The following EIF3B variants were observed in gnomAD, a reference collection of about 807,000 sequenced individuals.
EIF3B encodes the protein eukaryotic translation initiation factor 3 subunit B.
A neutral mutation model predicts 104.6 loss-of-function variants in EIF3B; 10 were observed. The ratio of observed to expected loss-of-function variants is 0.10; its 90% CI spans 0.06 to 0.16. The LOEUF is 0.16. Among genes scored for constraint, EIF3B ranks in the 10% least tolerant of loss-of-function variants. The probability of loss-of-function intolerance (pLI) is 1.00; values close to 1 mark genes in which losing one functional copy is unlikely to be tolerated. For synonymous variants in EIF3B, 542 were observed against 417.2 expected, an observed-to-expected ratio of 1.30 and a Z score of -3.65; for missense variants, 1,014 against 1,087.9, an observed-to-expected ratio of 0.93 and a Z score of 0.96.
intron 15 of EIF3B, among the ~76,000 whole-genome samples, chr7:2,377,451 G>A (rs549190751): frequency 2.0e-5 from 3 of 152,194 alleles, no homozygotes; most frequent in Non-Finnish European, 4.4e-5. Context: ...GAGAAAGTCC[G>A]TCTCAAAGTG....
rs1014927303 is a variant in EIF3B, at chr7:2,379,014, A to G, written c.2233-120A>G. 9.9e-5 allele frequency: 85 copies of G among 861,160 alleles called. No individual in the cohort carries two copies. In the African/African-American group the frequency reaches 1.1e-3, roughly 11 times the overall value. The allele number at this position is 861,160 out of a possible 1,614,324, so 53.3% of individuals were successfully genotyped here. On this transcript the variant is annotated intron_variant, in intron 16 of 18. Transcript: ENST00000360876. ...AAAAGTGAGAATGAATGGACTAGCC[A>G]TTCCTGCTTGAGTGCCTCTGTATGC...
In EIF3B at chr7:2,366,297, G is replaced by A; in HGVS notation, c.1158-20G>A. The A allele has an allele frequency of 1.3e-6, 2 of 1,590,264 alleles. No homozygotes were observed. The highest frequency in any genetic ancestry group is 4.5e-5 in the East Asian group (2 of 44,778). On this transcript the variant is annotated intron_variant, in intron 6 of 18. Coordinates refer to ENST00000360876, the MANE Select transcript of EIF3B (RefSeq NM_001037283.2). ...TCTCGTGAGAGGAGGATAGTGTACA[G>A]TGTTGCCCTTCTCTTCTAGGTACCT...
intron 3 of EIF3B, 23 bp from the exon 4 acceptor site, chr7:2,363,047 C>T (rs1272543208): frequency 1.2e-6 from 2 of 1,613,798 alleles, no homozygotes; most frequent in Non-Finnish European, 8.5e-7. Context: ...GCGTGGGGCT[C>T]AGCAGTCTCC....
intron 2 of EIF3B, among the ~76,000 whole-genome samples, chr7:2,361,785 T>C (rs970924156): frequency 7.9e-5 from 12 of 151,846 alleles, no homozygotes; most frequent in South Asian, 2.1e-4. Context: ...TTTTTTTTGT[T>C]TGTTTGTTTG....
intron 15 of EIF3B, 41 bp from the exon 16 acceptor site, chr7:2,378,648 C>T: frequency 6.4e-7 from 1 of 1,567,906 alleles, no homozygotes; most frequent in Non-Finnish European, 8.8e-7. Flanking sequence ...GTGCTTGTTG[C>T]TTTGAATGTT....
chr7:2,367,825 A>ATTTTTTTTTTTTT lies in EIF3B; in HGVS notation c.1403+802_1403+814dup, dbSNP rs71026506. Among the ~76,000 whole-genome samples the ATTTTTTTTTTTTT allele has an allele frequency of 1.3e-4, 8 of 60,308 alleles. No homozygotes were observed. In the East Asian group the frequency reaches 2.5e-3, roughly 19 times the overall value. The allele number at this position is 60,308 out of a possible 152,430, so 39.6% of individuals were successfully genotyped here. On this transcript the variant is annotated intron_variant, in intron 9 of 18. Transcript: ENST00000360876. ...ACGGTGAGTTTGTTCTTTTTTTAAA[A>ATTTTTTTTTTTTT]TTTTTTTTTTTTTTTTTTTTTTTTT...
chr7:2,374,476 C>G, intron 12 of EIF3B, 52 bp from the exon 13 acceptor site: 1 of 1,583,996 alleles, frequency 6.3e-7, no homozygotes, highest in South Asian at 1.1e-5. Flanking sequence ...TTGGCTGCCC[C>G]GGCACTGTGG....
At chr7:2,362,606 T>TA in intron 2 of EIF3B, 39 bp from the exon 3 acceptor site, 3 of 1,613,182 alleles carry the variant, frequency 1.9e-6, no homozygotes, top group Non-Finnish European at 8.5e-7. Flanking sequence ...TGCCTAGCCT[T>TA]ACAGTGTGGG....
chr7:2,361,375 AC>A (rs1476635336), intron 2 of EIF3B, among the ~76,000 whole-genome samples: 2 of 152,132 alleles, frequency 1.3e-5, no homozygotes. Context: ...TGGCCTCTTG[AC>A]CCTCAGTTAC....
intron 1 of EIF3B, among the ~76,000 whole-genome samples, chr7:2,357,859 GT>G (rs1779536204): frequency 6.6e-6 from 1 of 152,120 alleles, no homozygotes; most frequent in South Asian, 2.1e-4. Flanking sequence ...CCCAATTTGT[GT>G]AAAAGTTGAG....
Position 2,363,099 on chromosome 7 carries a change from T to C in EIF3B, c.842T>C (p.Ile281Thr), listed in dbSNP as rs1360081985. The C allele has an allele frequency of 1.2e-6, 2 of 1,614,076 alleles. No homozygotes were observed. Among genetic ancestry groups the C allele is most frequent in the East Asian group, 4.5e-5 (2 of 44,876 alleles). ...ATGACGATCAGTGACGAGTGGGATATTCCAGAGAAACAGCCTTTCAAAGAC... is the reference window on the plus strand; with the variant it reads ...ATGACGATCAGTGACGAGTGGGATACTCCAGAGAAACAGCCTTTCAAAGAC... ...KYMTISDEWD[I>T]PEKQPFKDLG... Residue 281 changes from isoleucine (I) to threonine (T), a missense_variant, in exon 4 of 19, where the codon ATT becomes ACT. This residue lies in a region of EIF3B where 488 missense variants were observed against 404.3 expected (regional missense o/e 1.21). Coordinates refer to ENST00000360876, the MANE Select transcript of EIF3B (RefSeq NM_001037283.2).
Position 2,369,500 on chromosome 7 carries a change from A to T in EIF3B, c.1432A>T (p.Ile478Leu). Reference protein sequence around the residue: ...KDFSWSPGGNIIAFWVPEDKD... With the variant: ...KDFSWSPGGNLIAFWVPEDKD... Reference sequence around the variant, plus strand: ...CTTTTCTTGGTCTCCTGGTGGTAACATAATCGCCTTCTGGGTGCCTGAAGA... The same window carrying T: ...CTTTTCTTGGTCTCCTGGTGGTAACTTAATCGCCTTCTGGGTGCCTGAAGA... Residue 478 changes from isoleucine to leucine, a missense_variant, in exon 10 of 19, where the codon ATA becomes TTA. Physicochemically the swap from Ile to Leu is conservative, Grantham distance 5 (BLOSUM62 2). Around this residue, in one of 4 missense-constraint regions of EIF3B, gnomAD observed 201 missense variants for 240.7 expected, o/e 0.83. Transcript: ENST00000360876. 1 of 1,614,240 alleles carries T rather than the reference A, an allele frequency of 6.2e-7. No individual in the cohort carries two copies.
At chr7:2,369,401 T>C (rs1189405524) in intron 9 of EIF3B, 71 bp from the exon 10 acceptor site, 5 of 1,514,924 alleles carry the variant, frequency 3.3e-6, no homozygotes, top group Non-Finnish European at 4.6e-6. Context: ...TGAGTTGTTC[T>C]ATTCTCTTCT....
At chr7:2,375,582 T>C in intron 14 of EIF3B, 55 bp downstream of exon 14, 1 of 1,610,750 alleles carries the variant, frequency 6.2e-7, no homozygotes, top group Non-Finnish European at 8.5e-7. Flanking sequence ...GAGTGCTGGC[T>C]AGCTGCTGAC....
At chr7:2,379,318 C>T (rs1002922834) in intron 17 of EIF3B, 76 bp downstream of exon 17, 37 of 1,551,384 alleles carry the variant, frequency 2.4e-5, no homozygotes, top group African/African-American at 2.7e-5. Flanking sequence ...CGGACTCCTG[C>T]GTTCCTTCCC....
chr7:2,376,089 T>G (rs1780613688), intron 14 of EIF3B: 1 of 155,806 alleles, frequency 6.4e-6, no homozygotes, highest in Non-Finnish European at 1.4e-5. Flanking sequence ...TCCCAAATGT[T>G]ACTGCAAGTG....
At chr7:2,373,192 G>C (rs1488330053) in intron 12 of EIF3B, 1 of 157,768 alleles carries the variant, frequency 6.3e-6, no homozygotes, top group African/African-American at 2.4e-5. Flanking sequence ...GCACACAGCT[G>C]TACTCTGCCC....
At chr7:2,354,409 A>G (rs756693503), upstream of EIF3B, 4 of 152,142 alleles carry the variant, frequency 2.6e-5, no homozygotes, top group African/African-American at 9.7e-5. Context: ...AAAGGCTCAG[A>G]CGCCCTGAGC....
chr7:2,370,094 T>C (rs1780245357), intron 10 of EIF3B, among the ~76,000 whole-genome samples: 1 of 152,190 alleles, frequency 6.6e-6, no homozygotes, highest in Non-Finnish European at 1.5e-5. Context: ...TTATTTTCTT[T>C]CTAAGCACAA....
Sources: gnomAD v4.1 joint callset for allele counts (sites outside exome capture counted in the v4.1 genomes callset) on GRCh38, gnomAD v4.1.1 for gene constraint, gnomAD v4.1.1 regional missense constraint, MANE v1.5 for transcripts, NCBI Gene and HGNC (gene_info 2026-07-23, HGNC 2026-07-21) for gene names.